The following KCNMB2 variants were observed in gnomAD, a reference collection of about 807,000 sequenced individuals.
The protein encoded by KCNMB2 is calcium-activated potassium channel subunit beta-2.
Under a neutral mutation model 24.5 loss-of-function variants are expected in KCNMB2, and 9 were observed. That is an observed-to-expected ratio of 0.37 (90% CI 0.22 to 0.64). KCNMB2 has a LOEUF of 0.64. Among genes scored for constraint, KCNMB2 ranks in the 30% least tolerant of loss-of-function variants. KCNMB2 has a pLI of 0.63. For missense variants in KCNMB2, 226 were observed against 284.3 expected (o/e 0.79, Z 1.47); for synonymous variants, 109 against 104.4 (o/e 1.04, Z -0.27).
chr3:178,793,514 T>TGGG (rs764580123), intron 1 of KCNMB2, among the ~76,000 whole-genome samples: 10,761 of 140,238 alleles, frequency 0.077, 661 homozygotes, highest in Non-Finnish European at 0.11. Context: ...CTCTTCACCC[T>TGGG]GGGGGGGTGG....
chr3:178,624,035 T>C (rs1577056288), intron 1 of KCNMB2, among the ~76,000 whole-genome samples: 1 of 152,204 alleles, frequency 6.6e-6, no homozygotes, highest in Admixed American at 6.5e-5. Context: ...TCAAGTTTCA[T>C]GTGGATTAGC....
chr3:178,716,261 T>A (rs145584276), intron 1 of KCNMB2, among the ~76,000 whole-genome samples: 23 of 152,232 alleles, frequency 1.5e-4, no homozygotes, highest in Middle Eastern at 3.4e-3. Flanking sequence ...TTGTTGAGAG[T>A]TTGCAATACG....
intron 1 of KCNMB2, among the ~76,000 whole-genome samples, chr3:178,574,223 G>T (rs1716910233): frequency 6.6e-6 from 1 of 152,144 alleles, no homozygotes; most frequent in African/African-American, 2.4e-5. Flanking sequence ...GGTAGTGCAG[G>T]TTCCCATGGA....
rs111653162 is a variant in KCNMB2 at position 178,574,273 on chromosome 3, G to A, written c.-68+37562G>A. Among the ~76,000 whole-genome samples, 175 of 152,322 alleles carry A rather than the reference G, an allele frequency of 1.1e-3. 1 individual carries two copies. Among genetic ancestry groups the A allele is most frequent in the Non-Finnish European group, 1.2e-3 (81 of 68,038 alleles). Reference sequence around the variant, plus strand: ...CAGAAGCTTGTTTGGAGATCAGGCTGCACTGAACACACAGGCAGCAGGCTG... The same window carrying A: ...CAGAAGCTTGTTTGGAGATCAGGCTACACTGAACACACAGGCAGCAGGCTG... On this transcript the variant is annotated intron_variant, in intron 1 of 4. Transcript: ENST00000452583.
At chr3:178,565,139 T>C (rs1462179002) in intron 1 of KCNMB2, among the ~76,000 whole-genome samples, 1 of 152,198 alleles carries the variant, frequency 6.6e-6, no homozygotes, top group Non-Finnish European at 1.5e-5. Flanking sequence ...TCTGGAACAC[T>C]ACATGCCACG....
chr3:178,630,187 C>T (rs1171905312), intron 1 of KCNMB2, among the ~76,000 whole-genome samples: 2 of 152,164 alleles, frequency 1.3e-5, no homozygotes, highest in South Asian at 2.1e-4. Flanking sequence ...TCTGTTTACA[C>T]CAAGACCATG....
At chr3:178,779,633 G>A (rs752248282) in intron 1 of KCNMB2, among the ~76,000 whole-genome samples, 45 of 152,058 alleles carry the variant, frequency 3.0e-4, no homozygotes, top group Non-Finnish European at 4.9e-4. Flanking sequence ...TTTGCTGACC[G>A]ATTCCCACAA....
chr3:178,814,088 A>G (rs543061842), intron 2 of KCNMB2, among the ~76,000 whole-genome samples: 3 of 152,056 alleles, frequency 2.0e-5, no homozygotes, highest in African/African-American at 7.2e-5. Flanking sequence ...CCTCTATTGA[A>G]CCCATCAACC....
chr3:178,723,683 C>A (rs1722878945), intron 1 of KCNMB2, among the ~76,000 whole-genome samples: 1 of 152,126 alleles, frequency 6.6e-6, no homozygotes, highest in Admixed American at 6.6e-5. Flanking sequence ...TTGTTCCCAT[C>A]TTTGTGTCCA....
At chr3:178,833,649 C>T (rs985281606) in intron 4 of KCNMB2, among the ~76,000 whole-genome samples, 1 of 152,154 alleles carries the variant, frequency 6.6e-6, no homozygotes, top group African/African-American at 2.4e-5. Flanking sequence ...TATTGAGATA[C>T]ATCAGGCGCT....
At chr3:178,652,319 G>T (rs1720152682) in intron 1 of KCNMB2, among the ~76,000 whole-genome samples, 2 of 152,156 alleles carry the variant, frequency 1.3e-5, no homozygotes, top group South Asian at 4.2e-4. Flanking sequence ...GACCTGTCGA[G>T]GTTGGGTGGC....
At chr3:178,831,107 T>TTCTG (rs1560039533) in intron 4 of KCNMB2, among the ~76,000 whole-genome samples, 1 of 151,358 alleles carries the variant, frequency 6.6e-6, no homozygotes, top group Non-Finnish European at 1.5e-5. Flanking sequence ...CAAGTTTCTT[T>TTCTG]TTTGTTTGTT....
At chr3:178,715,169 A>G (rs773174802) in intron 1 of KCNMB2, among the ~76,000 whole-genome samples, 21 of 152,274 alleles carry the variant, frequency 1.4e-4, no homozygotes, top group South Asian at 1.0e-3. Flanking sequence ...TTGGTAAGCA[A>G]TGTGGGCTGA....
intron 1 of KCNMB2, among the ~76,000 whole-genome samples, chr3:178,700,749 A>G (rs1230091190): frequency 6.7e-6 from 1 of 149,794 alleles, no homozygotes; most frequent in African/African-American, 2.5e-5. Context: ...AATCACCAAT[A>G]TCTTTTTGAT....
intron 1 of KCNMB2, among the ~76,000 whole-genome samples, chr3:178,666,581 C>T (rs542826326): frequency 5.1e-4 from 77 of 152,164 alleles, no homozygotes; most frequent in African/African-American, 1.7e-3. Context: ...TGATAAAACT[C>T]GCATATGAAA....
intron 1 of KCNMB2, among the ~76,000 whole-genome samples, chr3:178,806,818 G>A (rs1467830722): frequency 6.6e-6 from 1 of 152,064 alleles, no homozygotes; most frequent in African/African-American, 2.4e-5. Context: ...ATTTTCTTAG[G>A]CAGAGACTCA....
chr3:178,573,634 C>A lies in KCNMB2; in HGVS notation c.-68+36923C>A, dbSNP rs940787509. 3.4e-5 allele frequency among the ~76,000 whole-genome samples: 5 copies of A among 145,218 alleles called. No individual in the cohort carries two copies. In the East Asian group the frequency reaches 8.1e-4, roughly 23 times the overall value. ...TGTGGTGGTGCATGCCTCAACTCAG[C>A]AACTTGGGAGGCTGAGGTGGGAGGA... On this transcript the variant is annotated intron_variant, in intron 1 of 4. Coordinates refer to ENST00000452583, the MANE Select transcript of KCNMB2 (RefSeq NM_181361.3).
chr3:178,770,105 T>C (rs1456343089), intron 1 of KCNMB2, among the ~76,000 whole-genome samples: 1 of 152,216 alleles, frequency 6.6e-6, no homozygotes, highest in East Asian at 1.9e-4. Context: ...TAGTTACCTA[T>C]AGGGCTGTTT....
At position 178,758,595 on chromosome 3, in the gene KCNMB2, G is replaced by T. The variant is rs1311760929; in HGVS notation, c.-67-48748G>T. On this transcript the variant is annotated intron_variant, in intron 1 of 4. Coordinates refer to ENST00000452583, the MANE Select transcript of KCNMB2 (RefSeq NM_181361.3). Reference sequence around the variant, plus strand: ...ATATATATATATATATCCAAGAGGAGATATATATATCTCCAAGAGGATATA... The same window carrying T: ...ATATATATATATATATCCAAGAGGATATATATATATCTCCAAGAGGATATA... 6.1e-3 allele frequency among the ~76,000 whole-genome samples: 90 copies of T among 14,660 alleles called. 1 individual carries two copies. The highest frequency in any genetic ancestry group is 7.1e-3 in the Non-Finnish European group (55 of 7,800). The allele number at this position is 14,660 out of a possible 152,430, so 9.6% of individuals were successfully genotyped here.
Sources: gnomAD v4.1 joint callset for allele counts (sites outside exome capture counted in the v4.1 genomes callset) on GRCh38, gnomAD v4.1.1 for gene constraint, MANE v1.5 for transcripts, NCBI Gene and HGNC (gene_info 2026-07-23, HGNC 2026-07-21) for gene names.